The following HS2ST1 variants were observed in gnomAD, a reference collection of about 807,000 sequenced individuals.
HS2ST1 encodes the protein 2-O-sulfotransferase.
In HS2ST1, 18 loss-of-function variants were observed where a neutral mutation model predicts 42.9. That is an observed-to-expected ratio of 0.42 (90% CI 0.29 to 0.62). The LOEUF (loss-of-function observed/expected upper bound fraction) is 0.62. Ranked by LOEUF, HS2ST1 falls within the 20% of genes least tolerant of loss-of-function variation. The probability of loss-of-function intolerance (pLI) is 0.21; values close to 1 mark genes in which losing one functional copy is unlikely to be tolerated. For missense variants in HS2ST1, 334 were observed against 433.8 expected, an observed-to-expected ratio of 0.77 and a Z score of 2.04; for synonymous variants, 146 against 152.9, an observed-to-expected ratio of 0.95 and a Z score of 0.33.
chr1:86,924,851 C>T (rs1446472570), intron 1 of HS2ST1, among the ~76,000 whole-genome samples: 1 of 152,162 alleles, frequency 6.6e-6, no homozygotes, highest in African/African-American at 2.4e-5. Flanking sequence ...GACATTTTCC[C>T]CATTGTCTAG....
At chr1:87,070,797 A>G (rs1227090959) in intron 1 of HS2ST1, among the ~76,000 whole-genome samples, 1 of 151,904 alleles carries the variant, frequency 6.6e-6, no homozygotes, top group Admixed American at 6.6e-5. Context: ...TTCTTAGTTT[A>G]TTTTATGGAT....
chr1:87,087,800 A>T (rs1651849926), intron 3 of HS2ST1, among the ~76,000 whole-genome samples: 1 of 151,982 alleles, frequency 6.6e-6, no homozygotes, highest in African/African-American at 2.4e-5. Context: ...GTTTTTATTA[A>T]CCTTGTACTA....
At chr1:86,994,880 A>T (rs897644689) in intron 1 of HS2ST1, among the ~76,000 whole-genome samples, 13 of 152,134 alleles carry the variant, frequency 8.5e-5, no homozygotes, top group African/African-American at 3.1e-4. Flanking sequence ...CTGTTAACTA[A>T]GGGTACTTAG....
At chr1:87,038,153 A>T (rs188174768) in intron 1 of HS2ST1, among the ~76,000 whole-genome samples, 4 of 152,050 alleles carry the variant, frequency 2.6e-5, no homozygotes, top group Non-Finnish European at 5.9e-5. Flanking sequence ...CTGTTTTATC[A>T]AGGTGGATTT....
chr1:87,097,940 G>T lies in HS2ST1; in HGVS notation c.686+5G>T, dbSNP rs754793259. ...TGGCCATAGCTCCGAATGCTGGTAG[G>T]GGAGATAAAGTTGGCTCAGATTGAT... is the stretch of plus-strand genomic sequence containing the variant. On this transcript the variant is annotated splice_donor_5th_base_variant and intron_variant, in intron 5 of 6. Transcript: ENST00000370550. The T allele has an allele frequency of 2.5e-6, 4 of 1,613,836 alleles. No homozygotes were observed. In the South Asian group the frequency reaches 4.4e-5, roughly 18 times the overall value.
At chr1:86,990,325 G>T (rs1354586354) in intron 1 of HS2ST1, among the ~76,000 whole-genome samples, 1 of 152,098 alleles carries the variant, frequency 6.6e-6, no homozygotes, top group African/African-American at 2.4e-5. Flanking sequence ...TGCTTCTGGG[G>T]CCTAAACGTT....
chr1:86,918,717 CA>C (rs1449217620), intron 1 of HS2ST1, among the ~76,000 whole-genome samples: 4 of 151,916 alleles, frequency 2.6e-5, no homozygotes, highest in African/African-American at 9.7e-5. Flanking sequence ...TAGTAATCTA[CA>C]CTGCCAGCAC....
chr1:87,098,233 GTGGGT>G, intron 5 of HS2ST1: 1 of 954,822 alleles, frequency 1.0e-6, no homozygotes, highest in Non-Finnish European at 1.2e-6. Flanking sequence ...GGGGGTGGGG[GTGGGT>G]GTCATAAATC....
At chr1:87,101,588 C>T (rs994821863) in intron 5 of HS2ST1, among the ~76,000 whole-genome samples, 2 of 152,176 alleles carry the variant, frequency 1.3e-5, no homozygotes, top group Non-Finnish European at 1.5e-5. Flanking sequence ...TCTTCATTTC[C>T]CTCTGAGACC....
At chr1:87,026,969 C>T (rs1041735894) in intron 1 of HS2ST1, among the ~76,000 whole-genome samples, 1 of 152,056 alleles carries the variant, frequency 6.6e-6, no homozygotes, top group Admixed American at 6.5e-5. Flanking sequence ...ATAATTAACC[C>T]TCCATAACAT....
Position 87,066,548 on chromosome 1 carries a change from T to G in HS2ST1, c.125-6386T>G, listed in dbSNP as rs1043876263. On this transcript the variant is annotated intron_variant, in intron 1 of 6. Transcript: ENST00000370550. ...ATATAACTTTTGACTTCCCAACAAC[T>G]TTTTTAAAAAATTTTTATCTTAAAA... Among the ~76,000 whole-genome samples, 9 of 152,266 alleles carry G rather than the reference T, an allele frequency of 5.9e-5. No individual in the cohort carries two copies. The South Asian group carries it at 8.3e-4, about 14-fold the overall frequency.
intron 1 of HS2ST1, among the ~76,000 whole-genome samples, chr1:86,966,105 G>A (rs564603220): frequency 3.9e-5 from 6 of 152,200 alleles, no homozygotes; most frequent in Non-Finnish European, 7.3e-5. Context: ...GTCATGTCTG[G>A]TAAAGGCTAT....
At chr1:87,024,143 G>A (rs1650025181) in intron 1 of HS2ST1, among the ~76,000 whole-genome samples, 1 of 152,130 alleles carries the variant, frequency 6.6e-6, no homozygotes, top group Non-Finnish European at 1.5e-5. Context: ...TGCAGAGATT[G>A]CTATCAGGAT....
rs1180489193 is a variant in HS2ST1 at position 86,980,732 on chromosome 1, G to A, written c.124+65572G>A. ...TGATTGAATGTTAATTTTAGCTCTA[G>A]GAAGGTAGTTCTTATTTTTGGTCAG... On this transcript the variant is annotated intron_variant, in intron 1 of 6. Transcript: ENST00000370550. 5.3e-5 allele frequency among the ~76,000 whole-genome samples: 8 copies of A among 152,238 alleles called. No individual in the cohort carries two copies. In the South Asian group the frequency reaches 1.0e-3, roughly 20 times the overall value.
At chr1:86,967,629 C>G (rs544768745) in intron 1 of HS2ST1, among the ~76,000 whole-genome samples, 1 of 152,284 alleles carries the variant, frequency 6.6e-6, no homozygotes, top group East Asian at 1.9e-4. Flanking sequence ...AGACATTATT[C>G]TGTTCCATTT....
At chr1:87,051,758 GT>G (rs1650837943) in intron 1 of HS2ST1, among the ~76,000 whole-genome samples, 1 of 152,104 alleles carries the variant, frequency 6.6e-6, no homozygotes, top group Non-Finnish European at 1.5e-5. Context: ...GTAAAGAATT[GT>G]AGTTTACAGG....
rs1212229601 is a variant in HS2ST1, at chr1:86,914,937, C to T, written c.-100C>T. 6.7e-7 allele frequency: 1 copy of T among 1,490,650 alleles called. No individual in the cohort carries two copies. The highest frequency in any genetic ancestry group is 2.3e-5 in the East Asian group (1 of 44,192). The allele number at this position is 1,490,650 out of a possible 1,614,324, so 92.3% of individuals were successfully genotyped here. Reference sequence around the variant, plus strand: ...TCTCTCGCTGTCGCTCTCTCTTTGCCTCGCTCCCGGCTCGGCGGGCTCCTC... The same window carrying T: ...TCTCTCGCTGTCGCTCTCTCTTTGCTTCGCTCCCGGCTCGGCGGGCTCCTC... On this transcript the variant is annotated 5_prime_UTR_variant, in exon 1 of 7. Transcript: ENST00000370550.
At chr1:86,976,221 A>G (rs946214284) in intron 1 of HS2ST1, among the ~76,000 whole-genome samples, 6 of 152,218 alleles carry the variant, frequency 3.9e-5, no homozygotes, top group Non-Finnish European at 7.3e-5. Context: ...CTTGTCAGTC[A>G]TTGTAGCAGC....
chr1:87,046,464 T>C (rs1650669087), intron 1 of HS2ST1: 1 of 1,055,436 alleles, frequency 9.5e-7, no homozygotes, highest in South Asian at 1.2e-5. Context: ...ATTAAACGTA[T>C]TTCCACTAAG....
Sources: gnomAD v4.1 joint callset for allele counts (sites outside exome capture counted in the v4.1 genomes callset) on GRCh38, gnomAD v4.1.1 for gene constraint, MANE v1.5 for transcripts, NCBI Gene and HGNC (gene_info 2026-07-23, HGNC 2026-07-21) for gene names.